Variants in SATB1 observed in about 807,000 individuals in gnomAD.
SATB1 encodes the protein SATB homeobox 1, also known as DNA-binding protein SATB1.
A neutral mutation model predicts 86.9 loss-of-function variants in SATB1; 11 were observed. That is an observed-to-expected ratio of 0.13 (90% CI 0.08 to 0.21). SATB1 has a LOEUF of 0.21. SATB1 is among the 10% of genes least tolerant of loss of function. The pLI is 1.00. For missense variants in SATB1, 551 were observed against 937.6 expected (o/e 0.59, Z 5.39); for synonymous variants, 357 against 357.2 (o/e 1.00, Z 0.01).
chr3:18,418,994 C>G lies in SATB1; in HGVS notation c.211+1763G>C, dbSNP rs142357801. Among the ~76,000 whole-genome samples the G allele has an allele frequency of 2.2e-3, 342 of 152,294 alleles. 3 individuals are homozygous for G. Among genetic ancestry groups the G allele is most frequent in the African/African-American group, 7.9e-3 (327 of 41,566 alleles). On this transcript the variant is annotated intron_variant, in intron 2 of 10. Coordinates refer to ENST00000338745, the MANE Select transcript of SATB1 (RefSeq NM_002971.6). ...GTTGGGTAAGTACAACAAAAATGTA[C>G]ACATTCATTTTTCCTTTTGTAGGAT...
chr3:18,442,949 T>C (rs1309410700), upstream of SATB1, among the ~76,000 whole-genome samples: 1 of 152,164 alleles, frequency 6.6e-6, no homozygotes, highest in Non-Finnish European at 1.5e-5. Context: ...GGACTACTGC[T>C]AAATCATAGC....
chr3:18,394,974 A>C lies in SATB1; in HGVS notation c.752-58T>G. On this transcript the variant is annotated intron_variant, in intron 6 of 10. Coordinates refer to ENST00000338745, the MANE Select transcript of SATB1 (RefSeq NM_002971.6). This position sits in a 1 kb window ranked among gnomAD's most constrained non-coding sequence, Gnocchi z 5.9. ...CCAACAATGATTGGCATTGATAAAGATTTCTAACCATTTCCTAAATTAAAA... is the reference window on the plus strand; with the variant it reads ...CCAACAATGATTGGCATTGATAAAGCTTTCTAACCATTTCCTAAATTAAAA... The C allele has an allele frequency of 7.8e-7, 1 of 1,287,740 alleles. No homozygotes were observed. The highest frequency in any genetic ancestry group is 1.1e-6 in the Non-Finnish European group (1 of 951,276). The allele number at this position is 1,287,740 out of a possible 1,614,324, so 79.8% of individuals were successfully genotyped here.
chr3:18,394,537 C>T lies in SATB1; in HGVS notation c.1131G>A (p.Gln377=), dbSNP rs1696856129. The T allele has an allele frequency of 6.2e-7, 1 of 1,614,212 alleles. No individual in the cohort carries two copies. The highest frequency in any genetic ancestry group is 1.3e-5 in the African/African-American group (1 of 75,052). ...CTCGTTTCAGTTCATCGCGTACCCA[C>T]TGGTAGATTTCGGAAGACACCTCTG... ...TNTEVSSEIY[Q]WVRDELKRAG... is the part of the protein sequence containing the mutation. The change falls in exon 7 of 11, where the codon CAG becomes CAA. Residue 377 remains glutamine (Q), a synonymous_variant. Coordinates refer to ENST00000338745, the MANE Select transcript of SATB1 (RefSeq NM_002971.6). The surrounding 1 kb of genome is among the most constrained non-coding windows in gnomAD (Gnocchi z 5.9).
chr3:18,351,098 A>C (rs936715327), intron 10 of SATB1: 31 of 549,618 alleles, frequency 5.6e-5, no homozygotes, highest in Middle Eastern at 4.9e-4. Context: ...TTTTCCATCT[A>C]AATTCACAGA....
intron 3 of SATB1, 62 bp downstream of exon 3, chr3:18,416,840 T>C (rs1367131066): frequency 2.1e-6 from 3 of 1,431,976 alleles, no homozygotes; most frequent in Non-Finnish European, 2.9e-6. Flanking sequence ...TTCAGTGCTT[T>C]CTCTGCAAGG....
chr3:18,423,434 C>A (rs756241621), intron 1 of SATB1, among the ~76,000 whole-genome samples, 193 bp downstream of exon 1: 2 of 152,118 alleles, frequency 1.3e-5, no homozygotes, highest in Non-Finnish European at 2.9e-5. Context: ...CTAGCTGGAT[C>A]GCCTCCTTCG....
chr3:18,415,816 G>C (rs926280346), intron 4 of SATB1, among the ~76,000 whole-genome samples, 191 bp downstream of exon 4: 1 of 151,920 alleles, frequency 6.6e-6, no homozygotes, highest in Non-Finnish European at 1.5e-5. Context: ...TGTGTGGGGG[G>C]GGGGATTGCT....
chr3:18,363,509 C>G (rs896162823), intron 9 of SATB1, among the ~76,000 whole-genome samples: 1 of 152,114 alleles, frequency 6.6e-6, no homozygotes, highest in Non-Finnish European at 1.5e-5. Flanking sequence ...ACTCCTCTGA[C>G]CACATTTTAC....
upstream of SATB1, among the ~76,000 whole-genome samples, chr3:18,441,174 A>G (rs1559471246): frequency 6.6e-6 from 1 of 152,204 alleles, no homozygotes; most frequent in Non-Finnish European, 1.5e-5. Context: ...TGAAGATCAA[A>G]TGATGATATC....
intron 6 of SATB1, 43 bp downstream of exon 6, chr3:18,397,136 C>A (rs746327382): frequency 9.5e-7 from 1 of 1,057,444 alleles, no homozygotes; most frequent in African/African-American, 1.6e-5. Flanking sequence ...CCAAATGACA[C>A]GTAATGGTAT....
intron 9 of SATB1, among the ~76,000 whole-genome samples, chr3:18,360,097 CAAG>C (rs1694834872): frequency 6.6e-6 from 1 of 152,104 alleles, no homozygotes; most frequent in Admixed American, 6.5e-5. Flanking sequence ...CCAGAGTTTT[CAAG>C]AAGAATAGAG....
chr3:18,370,576 GA>G (rs11293560), intron 9 of SATB1, among the ~76,000 whole-genome samples: 13,319 of 86,074 alleles, frequency 0.15, 1,554 homozygotes, highest in African/African-American at 0.37. Context: ...GAAAAGAAAA[GA>G]AAAAAAAAAC....
chr3:18,372,413 A>AT (rs1367228886), intron 9 of SATB1, among the ~76,000 whole-genome samples: 1 of 152,210 alleles, frequency 6.6e-6, no homozygotes, highest in African/African-American at 2.4e-5. Context: ...ATTTATGGGG[A>AT]AAAGGTGAAA....
At chr3:18,429,274 A>T (rs1216624988), upstream of SATB1, among the ~76,000 whole-genome samples, 1 of 152,220 alleles carries the variant, frequency 6.6e-6, no homozygotes, top group Non-Finnish European at 1.5e-5. The surrounding 1 kb of genome is among the most constrained non-coding windows in gnomAD (Gnocchi z 4.1). Flanking sequence ...CGTTTCCTGA[A>T]TGGACCAAAT....
chr3:18,444,714 T>A lies in SATB1; in HGVS notation c.-25+804A>T. 3.2e-6 allele frequency: 3 copies of A among 929,432 alleles called. No homozygotes were observed. The South Asian group carries it at 1.5e-4, about 46-fold the overall frequency. The allele number at this position is 929,432 out of a possible 1,614,324, so 57.6% of individuals were successfully genotyped here. ...GTCGGACTTCCGAGGCGGCGGCTTC[T>A]GCCTCTCCTGCCGCCGCCGCCGCCG... On this transcript the variant is annotated intron_variant, in intron 1 of 3. Coordinates refer to the SATB1 transcript ENST00000415069. This position sits in a 1 kb window ranked among gnomAD's most constrained non-coding sequence, Gnocchi z 5.1.
chr3:18,432,408 G>C (rs1310590787), intron 2 of SATB1, among the ~76,000 whole-genome samples: 3 of 152,154 alleles, frequency 2.0e-5, no homozygotes, highest in Non-Finnish European at 1.5e-5. Flanking sequence ...GAGGGAGAAA[G>C]AATTCGCGAT....
At chr3:18,413,609 T>G (rs1346551401) in intron 5 of SATB1, among the ~76,000 whole-genome samples, 1 of 152,094 alleles carries the variant, frequency 6.6e-6, no homozygotes, top group East Asian at 1.9e-4. Flanking sequence ...ATCATCCTAT[T>G]CATTTGTGAT....
At chr3:18,425,387 A>C (rs1235016784), upstream of SATB1, 1 of 141,260 alleles carries the variant, frequency 7.1e-6, no homozygotes, top group African/African-American at 2.6e-5. Flanking sequence ...GGAGGAGAGG[A>C]GGAAGGGGGT....
In SATB1 at chr3:18,349,027, C is replaced by G; in HGVS notation, c.*143G>C. 7.2e-7 allele frequency: 1 copy of G among 1,384,746 alleles called. No individual in the cohort carries two copies. Among genetic ancestry groups the G allele is most frequent in the South Asian group, 1.5e-5 (1 of 65,606 alleles). 85.8% of individuals were successfully genotyped at this position (1,384,746 alleles called of 1,614,324 possible). A position where few individuals can be genotyped will look rare whatever the true frequency, so the allele number is the denominator to read the frequency against. ...TTAGTGCAGTCTGTATTATCCTTTTCCAACTTTTCTGTTTGTGCAAGTTTT... is the reference window on the plus strand; with the variant it reads ...TTAGTGCAGTCTGTATTATCCTTTTGCAACTTTTCTGTTTGTGCAAGTTTT... On this transcript the variant is annotated 3_prime_UTR_variant, in exon 11 of 11. Coordinates refer to ENST00000338745, the MANE Select transcript of SATB1 (RefSeq NM_002971.6). This position sits in a 1 kb window ranked among gnomAD's most constrained non-coding sequence, Gnocchi z 5.5.
Sources: allele counts gnomAD v4.1 joint callset (sites outside exome capture counted in the v4.1 genomes callset), GRCh38; gene constraint gnomAD v4.1.1; non-coding constraint Gnocchi (gnomAD v3.1); transcripts MANE v1.5; gene names NCBI Gene and HGNC (gene_info 2026-07-23, HGNC 2026-07-21).